The following GABRG1 variants were observed in gnomAD, a reference collection of about 807,000 sequenced individuals.
GABRG1 encodes gamma-aminobutyric acid type A receptor subunit gamma1.
GABRG1 carries 49 observed loss-of-function variants against 49.8 expected under a neutral mutation model. The ratio of observed to expected loss-of-function variants is 0.98; its 90% CI spans 0.78 to 1.25. The LOEUF (loss-of-function observed/expected upper bound fraction) is 1.25. Among genes scored for constraint, GABRG1 ranks in the 50% most tolerant of loss-of-function variants. The pLI is 0.00. For missense variants in GABRG1, 552 were observed against 552.3 expected (o/e 1.00, Z 0.01); for synonymous variants, 232 against 185.1 (o/e 1.25, Z -2.06).
intron 1 of GABRG1, among the ~76,000 whole-genome samples, chr4:46,101,497 C>CA (rs1720377556): frequency 2.6e-5 from 4 of 151,524 alleles, no homozygotes; most frequent in African/African-American, 9.7e-5. Flanking sequence ...CACTATATGA[C>CA]AAAAAAAGCA....
At chr4:46,087,278 G>A (rs1299687215) in intron 2 of GABRG1, among the ~76,000 whole-genome samples, 2 of 151,502 alleles carry the variant, frequency 1.3e-5, no homozygotes, top group East Asian at 3.9e-4. Context: ...TCATCCTTCT[G>A]TGAATACGTT....
rs769807808 is a variant in GABRG1 at position 46,041,295 on chromosome 4, A to G, written c.1132-41T>C. 9 of 1,591,740 alleles carry G rather than the reference A, an allele frequency of 5.7e-6. No homozygotes were observed. The South Asian group carries it at 1.0e-4, about 18-fold the overall frequency. On this transcript the variant is annotated intron_variant, in intron 8 of 8. Transcript: ENST00000295452. ...AATGAATTTTTGACATCAAAAAAGT[A>G]GCATAAGGAAAGATCAATTTGCTCC...
At chr4:46,086,426 G>T (rs1256269223) in intron 2 of GABRG1, among the ~76,000 whole-genome samples, 5 of 151,410 alleles carry the variant, frequency 3.3e-5, no homozygotes, top group Admixed American at 2.6e-4. Context: ...CTTTATAATT[G>T]ATTTTAACCA....
chr4:46,103,973 C>T (rs1385239677), intron 1 of GABRG1, among the ~76,000 whole-genome samples: 3 of 151,346 alleles, frequency 2.0e-5, no homozygotes, highest in Non-Finnish European at 4.4e-5. Flanking sequence ...ATACGTTACA[C>T]TAAGCATTTC....
chr4:46,061,957 T>C (rs1220723954), intron 5 of GABRG1, among the ~76,000 whole-genome samples: 1 of 151,494 alleles, frequency 6.6e-6, no homozygotes, highest in Non-Finnish European at 1.5e-5. Context: ...ACATGTGCCA[T>C]GCTGGTGTGC....
Position 46,039,371 on chromosome 4 carries a change from A to T in GABRG1, c.*1617T>A, listed in dbSNP as rs1341507304. ...TGGGAACACACAGTAAATTATAAAT[A>T]AATTAATTAAAAATTTAAAAAACTA... is the stretch of plus-strand genomic sequence containing the variant. On this transcript the variant is annotated 3_prime_UTR_variant, in exon 9 of 9. Coordinates refer to ENST00000295452, the MANE Select transcript of GABRG1 (RefSeq NM_173536.4). The T allele has an allele frequency of 3.3e-5, 5 of 151,676 alleles. No individual in the cohort carries two copies. Among genetic ancestry groups the T allele is most frequent in the Non-Finnish European group, 5.9e-5 (4 of 67,738 alleles). 9.4% of individuals were successfully genotyped at this position (151,676 alleles called of 1,614,324 possible).
chr4:46,110,700 T>C (rs866337673), intron 1 of GABRG1, among the ~76,000 whole-genome samples: 46 of 151,268 alleles, frequency 3.0e-4, no homozygotes, highest in African/African-American at 1.0e-3. Context: ...TGGTTCACCA[T>C]ATGCAAATGA....
At chr4:46,117,681 T>C (rs13128517) in intron 1 of GABRG1, among the ~76,000 whole-genome samples, 4 of 144,930 alleles carry the variant, frequency 2.8e-5, no homozygotes, top group Non-Finnish European at 4.6e-5. Context: ...TGTATATATA[T>C]ACACATGTAT....
At chr4:46,099,915 C>G (rs959551785) in intron 1 of GABRG1, among the ~76,000 whole-genome samples, 1 of 151,566 alleles carries the variant, frequency 6.6e-6, no homozygotes, top group Admixed American at 6.6e-5. Context: ...CTCTGATACC[C>G]GCAGTATGCA....
intron 1 of GABRG1, among the ~76,000 whole-genome samples, chr4:46,110,231 C>T (rs995308647): frequency 6.6e-6 from 1 of 150,960 alleles, no homozygotes; most frequent in African/African-American, 2.4e-5. Context: ...ATAACTGAGT[C>T]TTCTTGTTGA....
Position 46,096,664 on chromosome 4 carries a change from C to A in GABRG1, c.253+537G>T, listed in dbSNP as rs570664141. Among the ~76,000 whole-genome samples the A allele has an allele frequency of 2.7e-5, 4 of 149,632 alleles. No homozygotes were observed. In the South Asian group the frequency reaches 8.6e-4, roughly 32 times the overall value. ...TGTAGATGTGTAGGGAAAGAAAGAA[C>A]CCTAGCAAAATAGAAGAGAAGGTAA... On this transcript the variant is annotated intron_variant, in intron 2 of 8. Transcript: ENST00000295452.
chr4:46,063,287 A>G (rs1298802523), intron 5 of GABRG1, among the ~76,000 whole-genome samples: 1 of 152,030 alleles, frequency 6.6e-6, no homozygotes, highest in Non-Finnish European at 1.5e-5. Flanking sequence ...GGCTACAGTA[A>G]CCAAAACAGC....
chr4:46,104,809 C>A (rs1431793599), intron 1 of GABRG1, among the ~76,000 whole-genome samples: 4 of 151,330 alleles, frequency 2.6e-5, no homozygotes, highest in South Asian at 2.1e-4. Flanking sequence ...ATGACTAAAG[C>A]AGCCCCCAGA....
rs1448543301 is a variant in GABRG1 at position 46,040,601 on chromosome 4, AAAT to A, written c.*384_*386del. 2.0e-5 allele frequency: 3 copies of A among 153,338 alleles called. No individual in the cohort carries two copies. The highest frequency in any genetic ancestry group is 7.2e-5 in the African/African-American group (3 of 41,476). 9.5% of individuals were successfully genotyped at this position (153,338 alleles called of 1,614,324 possible). A position where few individuals can be genotyped will look rare whatever the true frequency, so the allele number is the denominator to read the frequency against. On this transcript the variant is annotated 3_prime_UTR_variant, in exon 9 of 9. Transcript: ENST00000295452. ...TTTTCTGGCACAAAAGTTGCTACATAAATATTAGTAATTAGTCTTACATTACAA... is the reference window on the plus strand; with the variant it reads ...TTTTCTGGCACAAAAGTTGCTACATAATTAGTAATTAGTCTTACATTACAA...
chr4:46,073,114 C>T (rs13106263), intron 3 of GABRG1, among the ~76,000 whole-genome samples: 86,410 of 151,672 alleles, frequency 0.57, 25,134 homozygotes, highest in African/African-American at 0.65. Context: ...AGAAATGTTT[C>T]CATAAACCTT....
intron 5 of GABRG1, among the ~76,000 whole-genome samples, chr4:46,060,335 C>A (rs1718626830): frequency 6.6e-6 from 1 of 151,716 alleles, no homozygotes; most frequent in African/African-American, 2.4e-5. Context: ...TGTATGCCAA[C>A]TTTATGTGGA....
intron 7 of GABRG1, among the ~76,000 whole-genome samples, chr4:46,056,569 A>G (rs1490000220): frequency 1.3e-5 from 2 of 152,090 alleles, no homozygotes; most frequent in Non-Finnish European, 2.9e-5. Flanking sequence ...TTCATGACTC[A>G]CTAAAATTTT....
chr4:46,102,254 A>G (rs1321587387), intron 1 of GABRG1, among the ~76,000 whole-genome samples: 2 of 151,638 alleles, frequency 1.3e-5, no homozygotes, highest in African/African-American at 2.4e-5. Flanking sequence ...AGTACTAAGG[A>G]TGAGCCCTGA....
chr4:46,049,553 A>T (rs1718133718), intron 8 of GABRG1, among the ~76,000 whole-genome samples: 1 of 151,844 alleles, frequency 6.6e-6, no homozygotes, highest in Admixed American at 6.6e-5. Context: ...TTAGTACTTC[A>T]ATACTATCAT....
Sources: gnomAD v4.1 joint callset for allele counts (sites outside exome capture counted in the v4.1 genomes callset) on GRCh38, gnomAD v4.1.1 for gene constraint, MANE v1.5 for transcripts, NCBI Gene and HGNC (gene_info 2026-07-23, HGNC 2026-07-21) for gene names.